The following CA1 variants were observed in gnomAD, a reference collection of about 807,000 sequenced individuals.
CA1 encodes carbonate dehydratase I.
CA1 carries 27 observed loss-of-function variants against 28.8 expected under a neutral mutation model. That is an observed-to-expected ratio of 0.94 (90% CI 0.69 to 1.29). The LOEUF (loss-of-function observed/expected upper bound fraction) is 1.29. Ranked by LOEUF, CA1 falls within the 50% of genes most tolerant of loss-of-function variation. The probability of loss-of-function intolerance (pLI) is 0.00; values close to 1 mark genes in which losing one functional copy is unlikely to be tolerated. For synonymous variants in CA1, 121 were observed against 108.8 expected (o/e 1.11, Z -0.70); for missense variants, 335 against 310.5 (o/e 1.08, Z -0.59).
At chr8:85,353,056 C>G (rs1564036001) in intron 1 of CA1, among the ~76,000 whole-genome samples, 1 of 152,168 alleles carries the variant, frequency 6.6e-6, no homozygotes, top group Admixed American at 6.5e-5. Context: ...AGAGTACAGG[C>G]TGCTTTGAGC....
chr8:85,364,446 C>T lies in CA1; in HGVS notation c.-25+13600G>A, dbSNP rs142986833. On this transcript the variant is annotated intron_variant, in intron 1 of 7. Coordinates refer to ENST00000523022, the MANE Select transcript of CA1 (RefSeq NM_001128831.4). The stretch of plus-strand genomic sequence containing the variant: ...TAGTAAGACTCTTAAAATCAGAGTC[C>T]GAATTTTATCAGTCCTAGGAGTCTT... Among the ~76,000 whole-genome samples, 739 of 152,222 alleles carry T rather than the reference C, an allele frequency of 4.9e-3. 6 individuals are homozygous for T. Among genetic ancestry groups the T allele is most frequent in the African/African-American group, 0.017 (702 of 41,528 alleles).
In CA1 at chr8:85,333,591, C is replaced by G; in HGVS notation, c.384G>C (p.Lys128Asn). The G allele has an allele frequency of 6.2e-7, 1 of 1,612,438 alleles. No individual in the cohort carries two copies. The highest frequency in any genetic ancestry group is 8.5e-7 in the Non-Finnish European group (1 of 1,178,822). The change falls in exon 5 of 8, where the codon AAG becomes AAC. Residue 128 changes from lysine (K) to asparagine (N), a missense_variant. Physicochemically the swap from Lys to Asn is moderately conservative, Grantham distance 94. Coordinates refer to ENST00000523022, the MANE Select transcript of CA1 (RefSeq NM_001128831.4). The part of the protein sequence containing the change: ...ELHVAHWNSA[K>N]YSSLAEAASK... ...AGGCAGCTTCAGCAAGGCTGGAGTA[C>G]TTTGCAGAATTCCAGTGAGCTACGT...
Position 85,344,596 on chromosome 8 carries a change from AT to A in CA1, c.-24-2938del, listed in dbSNP as rs201621815. Among the ~76,000 whole-genome samples, 972 of 151,820 alleles carry A rather than the reference AT, an allele frequency of 6.4e-3. 15 individuals are homozygous for A. Among genetic ancestry groups the A allele is most frequent in the African/African-American group, 0.022 (921 of 41,440 alleles). On this transcript the variant is annotated intron_variant, in intron 1 of 7. Coordinates refer to ENST00000523022, the MANE Select transcript of CA1 (RefSeq NM_001128831.4). ...CTTTTCATCTAATTTTTATTTTAATATTTTAAAATCAAAAACATGAACTCTT... is the reference window on the plus strand; with the variant it reads ...CTTTTCATCTAATTTTTATTTTAATATTTAAAATCAAAAACATGAACTCTT...
At chr8:85,337,774 T>C (rs1260765794) in intron 3 of CA1, among the ~76,000 whole-genome samples, 1 of 152,190 alleles carries the variant, frequency 6.6e-6, no homozygotes, top group African/African-American at 2.4e-5. Context: ...TAATAAAATA[T>C]TCAATAAACC....
At chr8:85,355,887 C>G (rs1280610428) in intron 1 of CA1, among the ~76,000 whole-genome samples, 3 of 151,812 alleles carry the variant, frequency 2.0e-5, no homozygotes, top group Non-Finnish European at 4.4e-5. Flanking sequence ...TCAAGAACCT[C>G]AGCCTGCCAT....
intron 1 of CA1, among the ~76,000 whole-genome samples, chr8:85,366,481 A>G (rs1234664875): frequency 6.6e-6 from 1 of 152,212 alleles, no homozygotes; most frequent in Non-Finnish European, 1.5e-5. Context: ...ATGAGAGACC[A>G]TGGGAATGGG....
intron 7 of CA1, 147 bp from the exon 8 acceptor site, chr8:85,328,823 C>G: frequency 6.6e-6 from 3 of 456,520 alleles, no homozygotes; most frequent in Non-Finnish European, 7.8e-6. Flanking sequence ...AGCCCCAAAT[C>G]CTTTACATTC....
rs753101577 is a variant in CA1 at position 85,328,687 on chromosome 8, A to C, written c.670-11T>G. 7.9e-6 allele frequency: 12 copies of C among 1,520,088 alleles called. No homozygotes were observed. The East Asian group carries it at 2.5e-4, about 32-fold the overall frequency. The allele number at this position is 1,520,088 out of a possible 1,614,324, so 94.2% of individuals were successfully genotyped here. On this transcript the variant is annotated splice_polypyrimidine_tract_variant and intron_variant, in intron 7 of 7. Coordinates refer to ENST00000523022, the MANE Select transcript of CA1 (RefSeq NM_001128831.4). The stretch of plus-strand genomic sequence containing the variant: ...GCGGAATTGTGCCAGCTAGAAGGAT[A>C]AAATATTTTAAAAATAAAAAGTTTT...
chr8:85,330,207 A>G (rs187143881), intron 6 of CA1, among the ~76,000 whole-genome samples: 2 of 152,072 alleles, frequency 1.3e-5, no homozygotes, highest in South Asian at 2.1e-4. Flanking sequence ...GCCAGATTCT[A>G]TTTCAATGGC....
At chr8:85,366,512 A>G (rs1362172446) in intron 1 of CA1, among the ~76,000 whole-genome samples, 1 of 152,186 alleles carries the variant, frequency 6.6e-6, no homozygotes, top group African/African-American at 2.4e-5. Flanking sequence ...CAAAAGACTG[A>G]TAATATTCCT....
In CA1 at chr8:85,336,461, G is replaced by T. The variant is rs540360505; in HGVS notation, c.354+484C>A. On this transcript the variant is annotated intron_variant, in intron 4 of 7. Transcript: ENST00000523022. The stretch of plus-strand genomic sequence containing the variant: ...CATGTGAGAGCAGGTTAAGAGCCAG[G>T]GAAGGTTAGACCCTCATCTAGGTGT... Among the ~76,000 whole-genome samples, 11 of 152,260 alleles carry T rather than the reference G, an allele frequency of 7.2e-5. No homozygotes were observed. The South Asian group carries it at 2.3e-3, about 32-fold the overall frequency.
intron 1 of CA1, among the ~76,000 whole-genome samples, chr8:85,356,844 CA>C (rs1029131872): frequency 2.0e-5 from 3 of 152,006 alleles, no homozygotes; most frequent in Admixed American, 1.3e-4. Context: ...TAGAGGAAAA[CA>C]AAATAAAATT....
chr8:85,340,545 A>G (rs1036537346), intron 2 of CA1, among the ~76,000 whole-genome samples: 1 of 152,224 alleles, frequency 6.6e-6, no homozygotes, highest in Non-Finnish European at 1.5e-5. Context: ...TCTATGGATC[A>G]AGGAGTAATT....
intron 1 of CA1, among the ~76,000 whole-genome samples, chr8:85,354,131 T>A (rs763604085): frequency 1.6e-3 from 191 of 122,712 alleles, no homozygotes; most frequent in Non-Finnish European, 2.4e-3. Context: ...ACCCAGCTAA[T>A]TTTTTTTTTT....
rs34589707 is a variant in CA1, at chr8:85,353,676, A to ATT, written c.-24-12019_-24-12018dup. On this transcript the variant is annotated intron_variant, in intron 1 of 7. Transcript: ENST00000523022. Reference sequence around the variant, plus strand: ...GGAATTTGGCCATTATACAAAGAGTATTTTTTTTTTGGCTTTGCAACGTTC... The same window carrying ATT: ...GGAATTTGGCCATTATACAAAGAGTATTTTTTTTTTTTGGCTTTGCAACGTTC... 2.7e-5 allele frequency among the ~76,000 whole-genome samples: 4 copies of ATT among 148,128 alleles called. No individual in the cohort carries two copies. In the South Asian group the frequency reaches 6.4e-4, roughly 24 times the overall value.
At chr8:85,337,778 A>G (rs1000030142) in intron 3 of CA1, among the ~76,000 whole-genome samples, 1 of 152,220 alleles carries the variant, frequency 6.6e-6, no homozygotes, top group Non-Finnish European at 1.5e-5. Context: ...AAAATATTCA[A>G]TAAACCTTCA....
chr8:85,346,719 ACTGCTGCACGCCAGC>A, intron 1 of CA1, among the ~76,000 whole-genome samples: 1 of 152,278 alleles, frequency 6.6e-6, no homozygotes, highest in East Asian at 1.9e-4. Flanking sequence ...CTGAGACTGC[ACTGCTGCACGCCAGC>A]CTGGGCAACA....
intron 1 of CA1, among the ~76,000 whole-genome samples, chr8:85,358,406 C>A (rs1564040996): frequency 6.6e-6 from 1 of 152,132 alleles, no homozygotes; most frequent in Admixed American, 6.5e-5. Flanking sequence ...CTGAAATTAT[C>A]TTTTCTAGTT....
In CA1 at chr8:85,334,623, C is replaced by T. The variant is rs572580769; in HGVS notation, c.355-1003G>A. Among the ~76,000 whole-genome samples, 8 of 144,034 alleles carry T rather than the reference C, an allele frequency of 5.6e-5. No homozygotes were observed. The South Asian group carries it at 2.0e-3, about 36-fold the overall frequency. 94.5% of individuals were successfully genotyped at this position (144,034 alleles called of 152,430 possible). Reference sequence around the variant, plus strand: ...CCCTCCCTTCCTTCCTCCCTCCCTTCCTTCCTTCCTCCCTCCCTTCTTTCC... The same window carrying T: ...CCCTCCCTTCCTTCCTCCCTCCCTTTCTTCCTTCCTCCCTCCCTTCTTTCC... On this transcript the variant is annotated intron_variant, in intron 4 of 7. Transcript: ENST00000523022.
Sources: gnomAD v4.1 joint callset for allele counts (sites outside exome capture counted in the v4.1 genomes callset) on GRCh38, gnomAD v4.1.1 for gene constraint, MANE v1.5 for transcripts, NCBI Gene and HGNC (gene_info 2026-07-23, HGNC 2026-07-21) for gene names.